Variants in SLC30A5 observed in about 807,000 individuals in gnomAD.
The protein encoded by SLC30A5 is proton-coupled zinc antiporter SLC30A5.
A neutral mutation model predicts 79.6 loss-of-function variants in SLC30A5; 33 were observed. That is an observed-to-expected ratio of 0.41 (90% CI 0.31 to 0.55). SLC30A5 has a LOEUF of 0.55. SLC30A5 is among the 20% of genes least tolerant of loss of function. The pLI, the probability that SLC30A5 is intolerant of heterozygous loss-of-function variation, is 0.20. For missense variants in SLC30A5, 788 were observed against 928.1 expected, an observed-to-expected ratio of 0.85 and a Z score of 1.96; for synonymous variants, 299 against 319.7, an observed-to-expected ratio of 0.94 and a Z score of 0.69.
At chr5:69,121,098 T>G (rs1746522525) in intron 12 of SLC30A5, among the ~76,000 whole-genome samples, 1 of 152,154 alleles carries the variant, frequency 6.6e-6, no homozygotes, top group South Asian at 2.1e-4. Context: ...CCCAGGAGTT[T>G]GAGGACAGCC....
chr5:69,099,476 TAA>T (rs1745845344), intron 1 of SLC30A5, among the ~76,000 whole-genome samples: 1 of 152,318 alleles, frequency 6.6e-6, no homozygotes, highest in Non-Finnish European at 1.5e-5. Flanking sequence ...CGCCAGAGGC[TAA>T]GACTCGTGAC....
intron 1 of SLC30A5, among the ~76,000 whole-genome samples, chr5:69,094,992 C>T (rs1745680925): frequency 6.6e-6 from 1 of 152,106 alleles, no homozygotes; most frequent in African/African-American, 2.4e-5. Context: ...GTGCAGCGAC[C>T]ACTTTCTAGT....
chr5:69,130,587 GT>G lies in SLC30A5; in HGVS notation c.*972del, dbSNP rs1482974755. Reference sequence around the variant, plus strand: ...TATAAGAAATATCAAAGAATAGGTAGTTATTTCAAAGTTTAATAAGTAAAAC... The same window carrying G: ...TATAAGAAATATCAAAGAATAGGTAGTATTTCAAAGTTTAATAAGTAAAAC... On this transcript the variant is annotated 3_prime_UTR_variant, in exon 16 of 16. Coordinates refer to ENST00000396591, the MANE Select transcript of SLC30A5 (RefSeq NM_022902.5). The G allele has an allele frequency of 2.0e-5, 3 of 152,110 alleles. No individual in the cohort carries two copies. The highest frequency in any genetic ancestry group is 4.4e-5 in the Non-Finnish European group (3 of 68,014). 9.4% of individuals were successfully genotyped at this position (152,110 alleles called of 1,614,324 possible).
chr5:69,115,648 G>C (rs1225319815), intron 8 of SLC30A5, among the ~76,000 whole-genome samples: 2 of 152,124 alleles, frequency 1.3e-5, no homozygotes, highest in African/African-American at 4.8e-5. Context: ...TGGCCCAAAG[G>C]AATCATTTGA....
intron 13 of SLC30A5, 130 bp from the exon 14 acceptor site, chr5:69,123,069 C>T (rs900207281): frequency 1.6e-5 from 9 of 574,196 alleles, no homozygotes; most frequent in Non-Finnish European, 2.4e-5. Context: ...ATGTTTTAGG[C>T]ATTTTGAAGT....
intron 5 of SLC30A5, among the ~76,000 whole-genome samples, chr5:69,111,440 A>T (rs1746230671): frequency 6.6e-6 from 1 of 150,910 alleles, no homozygotes; most frequent in South Asian, 2.1e-4. Flanking sequence ...GAGTAGCTGG[A>T]ATTACAGGCA....
intron 11 of SLC30A5, among the ~76,000 whole-genome samples, chr5:69,117,876 C>CA (rs1213773161): frequency 0.013 from 1,660 of 130,334 alleles, 22 homozygotes; most frequent in African/African-American, 0.042. Context: ...GACTATGTCT[C>CA]AAAAAAAAAA....
At chr5:69,104,353 C>G (rs1281886479) in intron 3 of SLC30A5, 5 of 660,190 alleles carry the variant, frequency 7.6e-6, no homozygotes, top group Non-Finnish European at 8.5e-6. Context: ...CATTGGCCAG[C>G]CTGGTCTTGA....
intron 3 of SLC30A5, 41 bp downstream of exon 3, chr5:69,103,169 GT>G (rs774537291): frequency 3.7e-6 from 4 of 1,085,016 alleles, no homozygotes; most frequent in Admixed American, 1.9e-5. Flanking sequence ...GCAGCTTCTC[GT>G]TTAGTGGGCC....
At chr5:69,117,493 T>G (rs754164181) in intron 11 of SLC30A5, 97 bp downstream of exon 11, 45 of 1,059,346 alleles carry the variant, frequency 4.2e-5, no homozygotes, top group Non-Finnish European at 6.0e-5. Context: ...TACAAATAAT[T>G]TCCAAATCTT....
At chr5:69,096,394 T>C (rs1396833908) in intron 1 of SLC30A5, among the ~76,000 whole-genome samples, 1 of 152,208 alleles carries the variant, frequency 6.6e-6, no homozygotes, top group Non-Finnish European at 1.5e-5. Flanking sequence ...GAGTGTATTG[T>C]CTCAGGTAGG....
chr5:69,117,162 A>G, intron 10 of SLC30A5, 77 bp from the exon 11 acceptor site: 1 of 1,177,626 alleles, frequency 8.5e-7, no homozygotes, highest in Non-Finnish European at 1.2e-6. Context: ...GTAAATTTGG[A>G]TAATTAAGGG....
intron 11 of SLC30A5, 110 bp from the exon 12 acceptor site, chr5:69,118,389 T>C (rs912803477): frequency 1.1e-5 from 7 of 657,484 alleles, no homozygotes; most frequent in Non-Finnish European, 1.6e-5. Flanking sequence ...AATTTTCTAT[T>C]ATTAATTACT....
At chr5:69,098,447 A>AC in intron 1 of SLC30A5, among the ~76,000 whole-genome samples, 1 of 152,222 alleles carries the variant, frequency 6.6e-6, no homozygotes, top group South Asian at 2.1e-4. Context: ...AATTGCTTGA[A>AC]CCCGGGGGTT....
At position 69,118,627 on chromosome 5, in the gene SLC30A5, CAGTA is replaced by C. The variant is rs750185025; in HGVS notation, c.1569+3_1569+6del. On this transcript the variant is annotated splice_donor_variant and splice_donor_region_variant and coding_sequence_variant and intron_variant, in exon 12 of 16. Coordinates refer to ENST00000396591, the MANE Select transcript of SLC30A5 (RefSeq NM_022902.5). LOFTEE classifies it high-confidence loss of function. ...CCAGAATTAGACACTCACATGTTAA[CAGTA>C]AGTCTTTTTATTTTCCTATTTGGAT... 2 of 1,567,802 alleles carry C rather than the reference CAGTA, an allele frequency of 1.3e-6. No homozygotes were observed. The highest frequency in any genetic ancestry group is 2.5e-5 in the South Asian group (2 of 81,578).
In SLC30A5 at chr5:69,103,109, A is replaced by G. The variant is rs141870918; in HGVS notation, c.254A>G (p.Lys85Arg). 7.5e-6 allele frequency: 12 copies of G among 1,591,886 alleles called. No homozygotes were observed. The African/African-American group carries it at 1.6e-4, about 21-fold the overall frequency. The change falls in exon 3 of 16, where the codon AAA (lysine) becomes AGA (arginine). Residue 85 changes from lysine (K) to arginine (R), a missense_variant. This residue lies in a region of SLC30A5 where 626 missense variants were observed against 755.5 expected (regional missense o/e 0.83). Transcript: ENST00000396591. Reference protein sequence around the residue: ...VLFQKPFSSGKTITKHQWIKI... With the variant: ...VLFQKPFSSGRTITKHQWIKI... ...TTTCAAAAGCCATTTTCTTCTGGGA[A>G]AACTATTACCAAACACCAGGTAAGA...
In SLC30A5 at chr5:69,130,793, G is replaced by C. The variant is rs1419947840; in HGVS notation, c.*1176G>C. On this transcript the variant is annotated 3_prime_UTR_variant, in exon 16 of 16. Transcript: ENST00000396591. ...CAGCACCAAAGAATGTTGTCCAAAA[G>C]AAACTTTTTAATACCTGTCTTTCTA... The C allele has an allele frequency of 6.6e-6, 1 of 151,940 alleles. No individual in the cohort carries two copies. Among genetic ancestry groups the C allele is most frequent in the African/African-American group, 2.4e-5 (1 of 41,406 alleles). 9.4% of individuals were successfully genotyped at this position (151,940 alleles called of 1,614,324 possible). A position where few individuals can be genotyped will look rare whatever the true frequency, so the allele number is the denominator to read the frequency against.
intron 5 of SLC30A5, among the ~76,000 whole-genome samples, chr5:69,108,968 A>G (rs1373178232): frequency 6.6e-6 from 1 of 152,192 alleles, no homozygotes; most frequent in African/African-American, 2.4e-5. Context: ...ATTTCTTAAC[A>G]TGGAAACAGT....
intron 14 of SLC30A5, among the ~76,000 whole-genome samples, chr5:69,126,142 T>C (rs1393973744): frequency 1.3e-5 from 2 of 152,130 alleles, no homozygotes; most frequent in Non-Finnish European, 2.9e-5. Flanking sequence ...TTTCACCTCG[T>C]GGTTTACTAC....
Sources: allele counts gnomAD v4.1 joint callset (sites outside exome capture counted in the v4.1 genomes callset), GRCh38; gene constraint gnomAD v4.1.1; regional missense constraint gnomAD v4.1.1; transcripts MANE v1.5; gene names NCBI Gene and HGNC (gene_info 2026-07-23, HGNC 2026-07-21).